The following CDS1 variants were observed in gnomAD, a reference collection of about 807,000 sequenced individuals.
CDS1 encodes CDP-diacylglycerol synthase 1, also known as phosphatidate cytidylyltransferase 1.
CDS1 carries 41 observed loss-of-function variants against 62.1 expected under a neutral mutation model. The ratio of observed to expected loss-of-function variants is 0.66; its 90% CI spans 0.51 to 0.86. The LOEUF (loss-of-function observed/expected upper bound fraction) is 0.86. Among genes scored for constraint, CDS1 ranks in the 40% least tolerant of loss-of-function variants. CDS1 has a pLI of 0.00. For synonymous variants in CDS1, 185 were observed against 192.6 expected, an observed-to-expected ratio of 0.96 and a Z score of 0.32; for missense variants, 470 against 550.1, an observed-to-expected ratio of 0.85 and a Z score of 1.46.
chr4:84,613,803 T>C (rs932247015), intron 3 of CDS1, among the ~76,000 whole-genome samples: 1 of 152,166 alleles, frequency 6.6e-6, no homozygotes, highest in African/African-American at 2.4e-5. Context: ...TAGAAGATAT[T>C]GAAAGAGGTT....
chr4:84,609,052 A>G (rs769522293), intron 2 of CDS1, among the ~76,000 whole-genome samples: 70 of 151,634 alleles, frequency 4.6e-4, no homozygotes, highest in South Asian at 1.5e-3. Context: ...GGTGGCGGGC[A>G]CCTGTGGTCC....
At chr4:84,624,691 A>AT (rs1157488351) in intron 5 of CDS1, among the ~76,000 whole-genome samples, 1 of 152,152 alleles carries the variant, frequency 6.6e-6, no homozygotes, top group African/African-American at 2.4e-5. Flanking sequence ...GCTATAATTT[A>AT]TGCTTGAGAA....
chr4:84,625,245 C>T (rs1723820160), intron 5 of CDS1, among the ~76,000 whole-genome samples: 1 of 152,140 alleles, frequency 6.6e-6, no homozygotes, highest in African/African-American at 2.4e-5. Context: ...CTTAGAATCA[C>T]AGAAACTTAC....
At chr4:84,620,687 T>C (rs1257277280) in intron 5 of CDS1, among the ~76,000 whole-genome samples, 1 of 152,126 alleles carries the variant, frequency 6.6e-6, no homozygotes, top group African/African-American at 2.4e-5. Flanking sequence ...CCCTAAGCAA[T>C]TGATTTTTTT....
rs181018626 is a variant in CDS1, at chr4:84,641,912, A to G, written c.1032+922A>G. 4.1e-4 allele frequency among the ~76,000 whole-genome samples: 63 copies of G among 152,384 alleles called. 1 individual carries two copies. In the East Asian group the frequency reaches 9.4e-3, roughly 23 times the overall value. The stretch of plus-strand genomic sequence containing the variant: ...ACAAATTATTTCTCTCTGAGTGCTC[A>G]GTACATGGTTTCCAAGAACTTTTTC... On this transcript the variant is annotated intron_variant, in intron 10 of 12. Coordinates refer to ENST00000295887, the MANE Select transcript of CDS1 (RefSeq NM_001263.4).
chr4:84,631,326 G>T (rs987362493), intron 5 of CDS1, among the ~76,000 whole-genome samples: 2 of 152,044 alleles, frequency 1.3e-5, no homozygotes, highest in South Asian at 4.1e-4. Flanking sequence ...ATTTTGAAAG[G>T]ATTAAATCAG....
At chr4:84,611,279 G>A (rs1022443420) in intron 3 of CDS1, among the ~76,000 whole-genome samples, 35 of 152,346 alleles carry the variant, frequency 2.3e-4, no homozygotes, top group Admixed American at 3.3e-4. Flanking sequence ...GTGAGAGCCT[G>A]CCCTCCGGGG....
chr4:84,635,616 TGCCTGCCTGCCTTCCTTCCTTCC>T lies in CDS1; in HGVS notation c.810+266_810+288del, dbSNP rs1560481512. On this transcript the variant is annotated intron_variant, in intron 8 of 12. Coordinates refer to ENST00000295887, the MANE Select transcript of CDS1 (RefSeq NM_001263.4). ...CTGCCTGCCTGCCTGCCTGCCTGCC[TGCCTGCCTGCCTTCCTTCCTTCC>T]TTCCTTCCTTCCTTCCTTCCTTCCT... Among the ~76,000 whole-genome samples, 151 of 106,104 alleles carry T rather than the reference TGCCTGCCTGCCTTCCTTCCTTCC, an allele frequency of 1.4e-3. 1 individual carries two copies. The highest frequency in any genetic ancestry group is 3.6e-3 in the South Asian group (8 of 2,198). 69.6% of individuals were successfully genotyped at this position (106,104 alleles called of 152,430 possible). A position where few individuals can be genotyped will look rare whatever the true frequency, so the allele number is the denominator to read the frequency against.
At chr4:84,588,952 T>C (rs369389747) in intron 1 of CDS1, among the ~76,000 whole-genome samples, 1 of 152,318 alleles carries the variant, frequency 6.6e-6, no homozygotes, top group African/African-American at 2.4e-5. Context: ...AGAGCTGTTA[T>C]CATTTAACCT....
intron 3 of CDS1, among the ~76,000 whole-genome samples, chr4:84,615,684 G>A (rs1723469455): frequency 6.6e-6 from 1 of 152,046 alleles, no homozygotes; most frequent in Non-Finnish European, 1.5e-5. Context: ...GTACCTCTCT[G>A]TGAACAGATG....
At chr4:84,632,159 A>G (rs982895393) in intron 6 of CDS1, among the ~76,000 whole-genome samples, 4 of 152,326 alleles carry the variant, frequency 2.6e-5, no homozygotes, top group East Asian at 3.9e-4. Flanking sequence ...ATTTGTAGAA[A>G]TTTGAAGAAT....
intron 1 of CDS1, among the ~76,000 whole-genome samples, chr4:84,587,206 A>G: frequency 6.6e-6 from 1 of 152,130 alleles, no homozygotes; most frequent in Admixed American, 6.5e-5. Context: ...CAATTCATAT[A>G]TATTTGTATT....
chr4:84,624,922 G>T (rs376607381), intron 5 of CDS1, among the ~76,000 whole-genome samples: 41 of 151,942 alleles, frequency 2.7e-4, no homozygotes, highest in African/African-American at 9.9e-4. Flanking sequence ...GTGCAGTGGC[G>T]CGATCTCGGC....
rs771457050 is a variant in CDS1 at position 84,590,027 on chromosome 4, G to A, written c.117+6509G>A. 2.6e-5 allele frequency among the ~76,000 whole-genome samples: 4 copies of A among 152,152 alleles called. No individual in the cohort carries two copies. The South Asian group carries it at 8.3e-4, about 32-fold the overall frequency. ...GGGGTTTCACAGTGTTAGCCAGGAC[G>A]ATCTCAATCTCCTGACCTTGTGATC... On this transcript the variant is annotated intron_variant, in intron 1 of 12. Coordinates refer to ENST00000295887, the MANE Select transcript of CDS1 (RefSeq NM_001263.4).
chr4:84,614,573 A>G (rs1178901835), intron 3 of CDS1, among the ~76,000 whole-genome samples: 1 of 152,214 alleles, frequency 6.6e-6, no homozygotes, highest in Non-Finnish European at 1.5e-5. Flanking sequence ...ACTTATTTGA[A>G]TAACCCATAG....
chr4:84,648,054 C>T (rs1293287869), intron 12 of CDS1, among the ~76,000 whole-genome samples: 2 of 152,126 alleles, frequency 1.3e-5, no homozygotes, highest in African/African-American at 4.8e-5. Flanking sequence ...GTGCTAGGCT[C>T]AGGACTTTTG....
At chr4:84,618,315 C>T (rs1043904325) in intron 4 of CDS1, among the ~76,000 whole-genome samples, 21 of 151,988 alleles carry the variant, frequency 1.4e-4, no homozygotes, top group Admixed American at 1.3e-4. Flanking sequence ...GTCTTGATTT[C>T]GGTGATAGCT....
intron 5 of CDS1, among the ~76,000 whole-genome samples, chr4:84,629,615 A>G (rs1051127403): frequency 3.3e-5 from 5 of 152,168 alleles, no homozygotes; most frequent in Admixed American, 1.3e-4. Flanking sequence ...CCTGCAACCA[A>G]TCACCCAGGG....
intron 5 of CDS1, among the ~76,000 whole-genome samples, chr4:84,626,074 G>C (rs1723848361): frequency 6.6e-6 from 1 of 152,074 alleles, no homozygotes; most frequent in Non-Finnish European, 1.5e-5. Context: ...GGCTGACGCA[G>C]GGGAATCCCT....
Sources: allele counts gnomAD v4.1 joint callset (sites outside exome capture counted in the v4.1 genomes callset), GRCh38; gene constraint gnomAD v4.1.1; transcripts MANE v1.5; gene names NCBI Gene and HGNC (gene_info 2026-07-23, HGNC 2026-07-21).